SNRNP70: variants seen among roughly 807,000 people sequenced by gnomAD.
The protein encoded by SNRNP70 is small nuclear ribonucleoprotein U1 subunit 70.
SNRNP70 carries 8 observed loss-of-function variants against 50.5 expected under a neutral mutation model. That is an observed-to-expected ratio of 0.16 (90% confidence interval 0.09 to 0.29). The LOEUF is 0.29. Among genes scored for constraint, SNRNP70 ranks in the 10% least tolerant of loss-of-function variants. SNRNP70 has a pLI of 1.00. For missense variants in SNRNP70, 529 were observed against 663.5 expected (o/e 0.80, Z 2.23); for synonymous variants, 320 against 252.9 (o/e 1.27, Z -2.52).
chr19:49,101,867 CT>C (rs1288859574), intron 7 of SNRNP70, among the ~76,000 whole-genome samples: 2 of 151,778 alleles, frequency 1.3e-5, no homozygotes, highest in Admixed American at 1.3e-4. Context: ...CCTGCCCTCT[CT>C]TCCCCCCCCA....
At chr19:49,105,783 C>T (rs76688659) in intron 8 of SNRNP70, among the ~76,000 whole-genome samples, 4,512 of 152,232 alleles carry the variant, frequency 0.03, 97 homozygotes, top group Non-Finnish European at 0.043. Flanking sequence ...TGATGTGTGA[C>T]AGCCCACAGC....
At chr19:49,103,104 G>C (rs2071683610) in intron 7 of SNRNP70, 1 of 152,760 alleles carries the variant, frequency 6.5e-6, no homozygotes, top group Admixed American at 6.5e-5. Context: ...TGGATTTGGA[G>C]GTGGAGAAGT....
At chr19:49,098,312 T>G (rs891623753) in intron 4 of SNRNP70, 115 bp from the exon 5 acceptor site, 2 of 826,522 alleles carry the variant, frequency 2.4e-6, no homozygotes, top group African/African-American at 1.7e-5. Flanking sequence ...GTTCCTCCAG[T>G]TAGGGGCCTC....
At chr19:49,089,628 A>G (rs182052958) in intron 2 of SNRNP70, among the ~76,000 whole-genome samples, 161 of 150,114 alleles carry the variant, frequency 1.1e-3, no homozygotes, top group Non-Finnish European at 2.1e-3. Flanking sequence ...GTACTGGTCC[A>G]TGGACCATGC....
intron 8 of SNRNP70, among the ~76,000 whole-genome samples, chr19:49,105,720 ACT>A (rs1219889485): frequency 7.4e-5 from 11 of 149,590 alleles, no homozygotes; most frequent in African/African-American, 2.2e-4. Flanking sequence ...CCAGAGCAAG[ACT>A]CTGTCTCAAA....
At chr19:49,090,710 GGGTAAAAGTTGGCAGGAAGGGAGACCCCT>G in intron 4 of SNRNP70, 190 bp downstream of exon 4, 1 of 615,740 alleles carries the variant, frequency 1.6e-6, no homozygotes, top group South Asian at 2.0e-5. Flanking sequence ...GCAGAACATA[GGGTAAAAGTTGGCAGGAAGGGAGACCCCT>G]GGTACCTTGG....
chr19:49,092,195 G>A (rs1266556330), intron 4 of SNRNP70, among the ~76,000 whole-genome samples: 2 of 152,068 alleles, frequency 1.3e-5, no homozygotes, highest in African/African-American at 2.4e-5. Context: ...TGCACCCTCC[G>A]CCTCCCAGGT....
chr19:49,086,519 T>C lies in SNRNP70; in HGVS notation c.105T>C (p.Asn35=), dbSNP rs763602409. The C allele has an allele frequency of 1.2e-6, 2 of 1,613,976 alleles. No individual in the cohort carries two copies. The highest frequency in any genetic ancestry group is 4.5e-5 in the East Asian group (2 of 44,868). The change falls in exon 2 of 10, where the codon AAT becomes AAC. Residue 35 remains asparagine, a synonymous_variant. Transcript: ENST00000598441. The part of the protein sequence containing the change: ...LEKLPHEKHH[N]QPYCGIAPYI... Reference sequence around the variant, plus strand: ...AACTGCCACATGAAAAACACCACAATCAACCTTATTGTGGCATTGCGCCGT... The same window carrying C: ...AACTGCCACATGAAAAACACCACAACCAACCTTATTGTGGCATTGCGCCGT...
intron 2 of SNRNP70, among the ~76,000 whole-genome samples, chr19:49,089,616 T>C (rs2040423264): frequency 1.3e-5 from 2 of 151,768 alleles, no homozygotes; most frequent in Admixed American, 1.3e-4. Context: ...ACAGTTTAGA[T>C]AGTACTGGTC....
At chr19:49,103,920 CAG>C (rs1470520657) in intron 7 of SNRNP70, 1 of 152,336 alleles carries the variant, frequency 6.6e-6, no homozygotes, top group Non-Finnish European at 1.5e-5. Context: ...TGGGGGGAGG[CAG>C]AGTCAGTCGT....
At chr19:49,093,536 C>T (rs1185979372) in intron 4 of SNRNP70, among the ~76,000 whole-genome samples, 3 of 150,694 alleles carry the variant, frequency 2.0e-5, no homozygotes, top group African/African-American at 4.9e-5. Context: ...AAAATTAGCC[C>T]GGCGTGGTGA....
chr19:49,101,886 T>C (rs983792800), intron 7 of SNRNP70, among the ~76,000 whole-genome samples: 2 of 151,564 alleles, frequency 1.3e-5, no homozygotes, highest in Non-Finnish European at 2.9e-5. Context: ...CCAGTAGAAC[T>C]GGGGCTGGGC....
intron 2 of SNRNP70, among the ~76,000 whole-genome samples, chr19:49,089,925 A>G (rs1399974875): frequency 6.6e-6 from 1 of 151,892 alleles, no homozygotes; most frequent in African/African-American, 2.4e-5. Flanking sequence ...GGCCTCCCAA[A>G]GTGCTGGGAT....
At chr19:49,099,576 A>C (rs1178090773) in intron 6 of SNRNP70, among the ~76,000 whole-genome samples, 1 of 151,670 alleles carries the variant, frequency 6.6e-6, no homozygotes, top group Non-Finnish European at 1.5e-5. Context: ...ACAAAAAAAA[A>C]AAAAATACAA....
chr19:49,103,363 C>T (rs2040616361), intron 7 of SNRNP70: 1 of 152,678 alleles, frequency 6.5e-6, no homozygotes, highest in Admixed American at 6.6e-5. Context: ...TGTGGTTCCT[C>T]TCCCTCTCCT....
At chr19:49,102,283 C>T (rs1220938043) in intron 7 of SNRNP70, 8 of 706,486 alleles carry the variant, frequency 1.1e-5, no homozygotes, top group Admixed American at 2.4e-5. Context: ...ACCCCAGTCG[C>T]CCCCGTAGCC....
intron 6 of SNRNP70, 143 bp from the exon 7 acceptor site, chr19:49,101,247 A>G: frequency 3.0e-6 from 2 of 662,362 alleles, no homozygotes; most frequent in Admixed American, 4.4e-5. Flanking sequence ...TGCCATTAGA[A>G]CATAAGTCAC....
chr19:49,085,964 C>T (rs989482748), intron 1 of SNRNP70, among the ~76,000 whole-genome samples: 5 of 152,218 alleles, frequency 3.3e-5, no homozygotes, highest in Admixed American at 2.6e-4. Context: ...GGTTTTGGGG[C>T]TTCGCTCCTT....
chr19:49,099,209 G>A (rs532443827), intron 6 of SNRNP70, among the ~76,000 whole-genome samples: 1 of 152,238 alleles, frequency 6.6e-6, no homozygotes, highest in South Asian at 2.1e-4. Flanking sequence ...CAGTAGTGAG[G>A]GCTTGAGGCC....
Sources: gnomAD v4.1 joint callset for allele counts (sites outside exome capture counted in the v4.1 genomes callset) on GRCh38, gnomAD v4.1.1 for gene constraint, MANE v1.5 for transcripts, NCBI Gene and HGNC (gene_info 2026-07-23, HGNC 2026-07-21) for gene names.